The following TNS3 variants were observed in gnomAD, a reference collection of about 807,000 sequenced individuals.
TNS3 encodes the protein tensin-3.
TNS3 carries 45 observed loss-of-function variants against 140.9 expected under a neutral mutation model. The ratio of observed to expected loss-of-function variants is 0.32; its 90% CI spans 0.25 to 0.41. TNS3 has a LOEUF of 0.41. Among genes scored for constraint, TNS3 ranks in the 10% least tolerant of loss-of-function variants. The pLI, the probability that TNS3 is intolerant of heterozygous loss-of-function variation, is 1.00. For missense variants in TNS3, 1,716 were observed against 1,906.7 expected (o/e 0.90, Z 1.86); for synonymous variants, 815 against 788.4 (o/e 1.03, Z -0.56).
At chr7:47,411,922 GC>G in intron 12 of TNS3, 120 bp from the exon 13 acceptor site, 2 of 883,506 alleles carry the variant, frequency 2.3e-6, no homozygotes, top group Non-Finnish European at 1.8e-6. Flanking sequence ...TGCCCAATCA[GC>G]CCAGAATCTA....
At chr7:47,427,670 G>A (rs1297770403) in intron 9 of TNS3, among the ~76,000 whole-genome samples, 1 of 152,168 alleles carries the variant, frequency 6.6e-6, no homozygotes, top group African/African-American at 2.4e-5. Flanking sequence ...GTCTGGCTTA[G>A]GGGACCCGAG....
At chr7:47,532,069 C>A (rs1021651091) in intron 1 of TNS3, among the ~76,000 whole-genome samples, 1 of 152,292 alleles carries the variant, frequency 6.6e-6, no homozygotes, top group East Asian at 1.9e-4. Flanking sequence ...GGAAGCCCCC[C>A]CCCGCCCACC....
chr7:47,559,870 G>A (rs139919316), intron 1 of TNS3, among the ~76,000 whole-genome samples: 1 of 152,284 alleles, frequency 6.6e-6, no homozygotes, highest in Non-Finnish European at 1.5e-5. Context: ...CACATTCGGC[G>A]GTCGAGCAGC....
At chr7:47,281,497 A>G (rs556082446) in intron 28 of TNS3, among the ~76,000 whole-genome samples, 1 of 152,362 alleles carries the variant, frequency 6.6e-6, no homozygotes, top group South Asian at 2.1e-4. Flanking sequence ...GAGATAGGCT[A>G]GGGCAGAGGC....
chr7:47,309,931 A>G (rs1217196034), intron 20 of TNS3, among the ~76,000 whole-genome samples: 1 of 152,238 alleles, frequency 6.6e-6, no homozygotes, highest in Non-Finnish European at 1.5e-5. Flanking sequence ...CAGATCGCCC[A>G]AGGCAGCCAG....
At chr7:47,325,922 G>C (rs1178910657) in intron 20 of TNS3, among the ~76,000 whole-genome samples, 1 of 152,204 alleles carries the variant, frequency 6.6e-6, no homozygotes, top group African/African-American at 2.4e-5. Flanking sequence ...GCAGCAGTTA[G>C]AACTATGTTG....
At chr7:47,493,540 C>T (rs1027699492) in intron 3 of TNS3, among the ~76,000 whole-genome samples, 10 of 151,868 alleles carry the variant, frequency 6.6e-5, no homozygotes, top group South Asian at 2.1e-4. Flanking sequence ...GACAAGAGGC[C>T]GGGCGCGGTG....
intron 1 of TNS3, among the ~76,000 whole-genome samples, chr7:47,551,902 T>A (rs886109787): frequency 6.6e-6 from 1 of 151,510 alleles, no homozygotes; most frequent in Non-Finnish European, 1.5e-5. Flanking sequence ...GGGGCAGGGG[T>A]GGGGTGGAGA....
chr7:47,398,023 T>C (rs1048089855), intron 15 of TNS3, among the ~76,000 whole-genome samples: 58 of 152,128 alleles, frequency 3.8e-4, no homozygotes, highest in African/African-American at 1.2e-3. Context: ...TTCAAGACTA[T>C]TATGAACACC....
In TNS3 at chr7:47,447,248, A is replaced by T. The variant is rs950091754; in HGVS notation, c.-75-5193T>A. ...CTGGAGGGTCATTCTGGTTCCACAT[A>T]TGTTTGTTTGTTTGTTTGTTTGTTT... is the stretch of plus-strand genomic sequence containing the variant. On this transcript the variant is annotated intron_variant, in intron 4 of 30. Transcript: ENST00000311160. Among the ~76,000 whole-genome samples the T allele has an allele frequency of 1.4e-4, 21 of 149,192 alleles. No individual in the cohort carries two copies. The South Asian group carries it at 3.5e-3, about 25-fold the overall frequency.
intron 2 of TNS3, among the ~76,000 whole-genome samples, chr7:47,521,443 G>T (rs1206504690): frequency 6.6e-6 from 1 of 152,194 alleles, no homozygotes; most frequent in African/African-American, 2.4e-5. Flanking sequence ...TGGGACGGAG[G>T]TGTCTGCCCT....
intron 8 of TNS3, among the ~76,000 whole-genome samples, chr7:47,434,267 A>G (rs1486388367): frequency 1.3e-5 from 2 of 151,816 alleles, no homozygotes; most frequent in Admixed American, 1.3e-4. Context: ...TCCATAATAC[A>G]ATGGATTTCT....
rs1367148924 is a variant in TNS3, at chr7:47,411,475, G to A, written c.723+252C>T. Among the ~76,000 whole-genome samples the A allele has an allele frequency of 2.6e-5, 4 of 152,168 alleles. No individual in the cohort carries two copies. In the South Asian group the frequency reaches 6.2e-4, roughly 24 times the overall value. The stretch of plus-strand genomic sequence containing the variant: ...ACTCTTATAAGAATCTCATGGCGCC[G>A]CTGATCTGACGGGAGGCTCAGGTGG... On this transcript the variant is annotated intron_variant, in intron 13 of 30. Transcript: ENST00000311160.
chr7:47,332,437 A>T (rs1788393529), intron 20 of TNS3, among the ~76,000 whole-genome samples: 2 of 152,194 alleles, frequency 1.3e-5, no homozygotes, highest in South Asian at 4.1e-4. Flanking sequence ...TCCTGTTCAA[A>T]GCAGCGAGGA....
intron 20 of TNS3, among the ~76,000 whole-genome samples, chr7:47,337,589 C>T (rs954183750): frequency 7.9e-5 from 12 of 152,242 alleles, no homozygotes; most frequent in South Asian, 2.1e-4. Context: ...CTGATTTCCT[C>T]CTATCTCTTC....
intron 17 of TNS3, among the ~76,000 whole-genome samples, chr7:47,364,788 G>A (rs1010886844): frequency 9.2e-5 from 14 of 152,154 alleles, no homozygotes; most frequent in African/African-American, 2.7e-4. Flanking sequence ...CCAATGCTGC[G>A]GCTAACCCTT....
At chr7:47,294,805 G>A (rs1239153001) in intron 24 of TNS3, among the ~76,000 whole-genome samples, 4 of 152,208 alleles carry the variant, frequency 2.6e-5, no homozygotes, top group African/African-American at 9.7e-5. Context: ...AATTAAAGTG[G>A]GATAAGAACA....
At chr7:47,532,205 AGTCCTGGGCAGAAGGGGGTGG>A (rs1027392830) in intron 1 of TNS3, among the ~76,000 whole-genome samples, 1 of 152,128 alleles carries the variant, frequency 6.6e-6, no homozygotes, top group Non-Finnish European at 1.5e-5. Context: ...CGGTAGGCAA[AGTCCTGGGCAGAAGGGGGTGG>A]GTCCTCAGTA....
chr7:47,492,196 A>G (rs1212420517), intron 3 of TNS3, among the ~76,000 whole-genome samples: 1 of 152,148 alleles, frequency 6.6e-6, no homozygotes, highest in Non-Finnish European at 1.5e-5. Context: ...TCCACCCTAC[A>G]CTGGCTTTCT....
Sources: gnomAD v4.1 joint callset for allele counts (sites outside exome capture counted in the v4.1 genomes callset) on GRCh38, gnomAD v4.1.1 for gene constraint, MANE v1.5 for transcripts, NCBI Gene and HGNC (gene_info 2026-07-23, HGNC 2026-07-21) for gene names.